CSMD1: variants seen among roughly 807,000 people sequenced by gnomAD.
CSMD1 encodes the protein CUB and Sushi multiple domains 1.
A neutral mutation model predicts 417.5 loss-of-function variants in CSMD1; 213 were observed. That is an observed-to-expected ratio of 0.51 (90% CI 0.46 to 0.57). The LOEUF (loss-of-function observed/expected upper bound fraction) is 0.57, where lower values mean the gene tolerates loss of function less well. Among genes scored for constraint, CSMD1 ranks in the 20% least tolerant of loss-of-function variants. The pLI, the probability that CSMD1 is intolerant of heterozygous loss-of-function variation, is 0.00. For synonymous variants in CSMD1, 2,862 were observed against 1,736.8 expected (o/e 1.65, Z -16.11); for missense variants, 6,923 against 4,529.7 (o/e 1.53, Z -15.17).
intron 63 of CSMD1, among the ~76,000 whole-genome samples, chr8:2,956,573 C>A (rs1336894123): frequency 1.3e-5 from 2 of 152,128 alleles, no homozygotes; most frequent in Admixed American, 1.3e-4. Context: ...CCTGACTCAG[C>A]CTCCCCAGTA....
At chr8:3,747,514 G>A (rs1429576011) in intron 6 of CSMD1, among the ~76,000 whole-genome samples, 4 of 150,390 alleles carry the variant, frequency 2.7e-5, no homozygotes, top group Non-Finnish European at 5.9e-5. Flanking sequence ...TTCCTTTCAT[G>A]AAATATTGTA....
At chr8:4,722,373 TAAA>T (rs1809115609) in intron 1 of CSMD1, among the ~76,000 whole-genome samples, 3 of 152,148 alleles carry the variant, frequency 2.0e-5, no homozygotes, top group Admixed American at 2.0e-4. Flanking sequence ...CAAACTTAAC[TAAA>T]TATGGCTACT....
chr8:4,253,158 A>G (rs533539672), intron 3 of CSMD1, among the ~76,000 whole-genome samples: 1 of 152,328 alleles, frequency 6.6e-6, no homozygotes, highest in South Asian at 2.1e-4. Context: ...CGATAAACTC[A>G]TTAGGAAACA....
Position 3,223,722 on chromosome 8 carries a change from A to T in CSMD1, c.4484+7T>A. ...ACTAAAAAGAGGTATTCTGCAAGAG[A>T]CGGTACCTTTTGAATATCAAGGCGA... On this transcript the variant is annotated splice_region_variant and intron_variant, in intron 28 of 69. Transcript: ENST00000635120. 6.2e-7 allele frequency: 1 copy of T among 1,613,752 alleles called. No homozygotes were observed. Among genetic ancestry groups the T allele is most frequent in the East Asian group, 2.2e-5 (1 of 44,882 alleles).
At chr8:3,992,815 C>A (rs1224057940) in intron 5 of CSMD1, among the ~76,000 whole-genome samples, 1 of 152,252 alleles carries the variant, frequency 6.6e-6, no homozygotes, top group Admixed American at 6.5e-5. Flanking sequence ...GCACAAAAAA[C>A]AATTCGCCCA....
intron 27 of CSMD1, among the ~76,000 whole-genome samples, chr8:3,225,989 A>G (rs1585711554): frequency 6.6e-6 from 1 of 152,214 alleles, no homozygotes; most frequent in South Asian, 2.1e-4. Context: ...TTTATCCACT[A>G]TGCTCAACAG....
At chr8:3,751,838 T>C (rs539197755) in intron 6 of CSMD1, among the ~76,000 whole-genome samples, 9 of 152,196 alleles carry the variant, frequency 5.9e-5, no homozygotes, top group Non-Finnish European at 1.3e-4. Flanking sequence ...TTTTCTTTAA[T>C]TCACTGTTGT....
intron 11 of CSMD1, among the ~76,000 whole-genome samples, chr8:3,483,222 C>A (rs1321563938): frequency 6.6e-6 from 1 of 151,878 alleles, no homozygotes; most frequent in African/African-American, 2.4e-5. Flanking sequence ...TATAAGAACA[C>A]TTGCAGAAAG....
intron 12 of CSMD1, among the ~76,000 whole-genome samples, chr8:3,415,006 T>A (rs1813041719): frequency 6.6e-6 from 1 of 152,228 alleles, no homozygotes; most frequent in Admixed American, 6.5e-5. Context: ...TCTTGGTGAT[T>A]GTTAAATCTG....
chr8:3,784,553 T>C (rs1799344068), intron 5 of CSMD1, among the ~76,000 whole-genome samples: 1 of 152,214 alleles, frequency 6.6e-6, no homozygotes, highest in Non-Finnish European at 1.5e-5. Context: ...CTCATGGTCA[T>C]AAAATGAATA....
At chr8:3,624,826 T>C (rs756075339) in intron 7 of CSMD1, among the ~76,000 whole-genome samples, 18 of 152,192 alleles carry the variant, frequency 1.2e-4, no homozygotes, top group Non-Finnish European at 2.5e-4. Flanking sequence ...CTCAGTATTA[T>C]CTCATTGAAT....
chr8:3,847,904 C>G (rs2954213), intron 5 of CSMD1, among the ~76,000 whole-genome samples: 25,037 of 152,140 alleles, frequency 0.16, 2,253 homozygotes, highest in East Asian at 0.36. Flanking sequence ...TCCGTTTTCT[C>G]TCCTTATAAA....
chr8:3,337,423 G>C (rs918804599), intron 23 of CSMD1, among the ~76,000 whole-genome samples: 2 of 152,148 alleles, frequency 1.3e-5, no homozygotes, highest in Admixed American at 6.5e-5. Context: ...CAGCCACAAG[G>C]TTTATTCTAC....
At chr8:3,347,010 T>C (rs2119847) in intron 22 of CSMD1, among the ~76,000 whole-genome samples, 149,672 of 152,306 alleles carry the variant, frequency 0.98, 73,607 homozygotes, top group Middle Eastern at 1. Context: ...GGCTTCCCTG[T>C]GCCATGTTGA....
chr8:3,909,166 G>C (rs1448373653), intron 5 of CSMD1, among the ~76,000 whole-genome samples: 1 of 152,198 alleles, frequency 6.6e-6, no homozygotes, highest in Admixed American at 6.5e-5. Context: ...TTTGGAGACT[G>C]GGTCAGGCTG....
chr8:3,065,518 A>G (rs1425674929), intron 49 of CSMD1, among the ~76,000 whole-genome samples: 1 of 152,186 alleles, frequency 6.6e-6, no homozygotes, highest in African/African-American at 2.4e-5. Flanking sequence ...GGAAGATGAT[A>G]GGAAGATGGA....
intron 1 of CSMD1, among the ~76,000 whole-genome samples, chr8:4,847,993 A>G (rs1461166901): frequency 6.6e-6 from 1 of 151,946 alleles, no homozygotes; most frequent in Non-Finnish European, 1.5e-5. Flanking sequence ...CTCTCCTTCC[A>G]GGGCCCGAAC....
At chr8:3,386,201 C>T (rs1187086889) in intron 18 of CSMD1, among the ~76,000 whole-genome samples, 1 of 152,278 alleles carries the variant, frequency 6.6e-6, no homozygotes, top group East Asian at 1.9e-4. Flanking sequence ...AAAAGGAACC[C>T]TTTTGCATCT....
intron 5 of CSMD1, among the ~76,000 whole-genome samples, chr8:3,761,243 A>ATG (rs1225667174): frequency 2.0e-5 from 3 of 152,242 alleles, no homozygotes; most frequent in East Asian, 3.9e-4. Flanking sequence ...AAGAAGGTCT[A>ATG]TGTGTGTGTG....
Sources: allele counts gnomAD v4.1 joint callset (sites outside exome capture counted in the v4.1 genomes callset), GRCh38; gene constraint gnomAD v4.1.1; transcripts MANE v1.5; gene names NCBI Gene and HGNC (gene_info 2026-07-23, HGNC 2026-07-21).